PDE5A: variants seen among roughly 807,000 people sequenced by gnomAD.
The protein encoded by PDE5A is phosphodiesterase 5A, also known as cGMP-specific 3',5'-cyclic phosphodiesterase.
PDE5A carries 67 observed loss-of-function variants against 110.2 expected under a neutral mutation model. That is an observed-to-expected ratio of 0.61 (90% CI 0.50 to 0.75). The LOEUF is 0.75. Among genes scored for constraint, PDE5A ranks in the 30% least tolerant of loss-of-function variants. PDE5A has a pLI of 0.00. For missense variants in PDE5A, 862 were observed against 1,045.1 expected, an observed-to-expected ratio of 0.82 and a Z score of 2.42; for synonymous variants, 328 against 351.2, an observed-to-expected ratio of 0.93 and a Z score of 0.74.
At chr4:119,533,965 G>A (rs1362600217) in intron 11 of PDE5A, among the ~76,000 whole-genome samples, 1 of 152,138 alleles carries the variant, frequency 6.6e-6, no homozygotes, top group Non-Finnish European at 1.5e-5. Context: ...CTCAAGAACA[G>A]TGCCCTCATA....
Position 119,553,757 on chromosome 4 carries a change from A to C in PDE5A, c.1200-11T>G. ...TTTGCATCATGTTCCCTGTGAAAAT[A>C]ACAGATATGAGTTCCCTCTGTGCAG... On this transcript the variant is annotated splice_polypyrimidine_tract_variant and intron_variant, in intron 7 of 20. Coordinates refer to ENST00000354960, the MANE Select transcript of PDE5A (RefSeq NM_001083.4). 2 of 1,359,194 alleles carry C rather than the reference A, an allele frequency of 1.5e-6. No individual in the cohort carries two copies. The highest frequency in any genetic ancestry group is 1.1e-6 in the Non-Finnish European group (1 of 948,402). 84.2% of individuals were successfully genotyped at this position (1,359,194 alleles called of 1,614,324 possible).
chr4:119,513,229 T>C (rs1725807691), intron 14 of PDE5A, among the ~76,000 whole-genome samples: 1 of 152,140 alleles, frequency 6.6e-6, no homozygotes, highest in Non-Finnish European at 1.5e-5. Context: ...AGGAATGTTC[T>C]CTGCACTCAT....
At chr4:119,594,132 G>GT (rs75416431) in intron 3 of PDE5A, among the ~76,000 whole-genome samples, 27,076 of 151,896 alleles carry the variant, frequency 0.18, 2,465 homozygotes, top group East Asian at 0.28. Context: ...ATATAGCTGT[G>GT]TTTTTTTAAT....
At chr4:119,579,513 A>G (rs1728508998) in intron 3 of PDE5A, among the ~76,000 whole-genome samples, 1 of 151,980 alleles carries the variant, frequency 6.6e-6, no homozygotes, top group Admixed American at 6.6e-5. Context: ...GCAGCCATAC[A>G]AAATGATGAG....
At chr4:119,558,731 A>T (rs1727628894) in intron 7 of PDE5A, among the ~76,000 whole-genome samples, 1 of 151,992 alleles carries the variant, frequency 6.6e-6, no homozygotes, top group South Asian at 2.1e-4. Flanking sequence ...CCCAGCTAAA[A>T]ACAGTGAAAC....
chr4:119,535,985 AT>A (rs1449395329), intron 11 of PDE5A, among the ~76,000 whole-genome samples: 10 of 152,134 alleles, frequency 6.6e-5, no homozygotes, highest in African/African-American at 2.4e-4. Context: ...AGGCATTTTT[AT>A]TTGGTTGACA....
rs1054788062 is a variant in PDE5A, at chr4:119,520,946, C to T, written c.1894G>A (p.Gly632Ser). ...AQCMFAALKA[G>S]KIQNKLTDLE... ...GCTCTAAAAAGTACCTGAATTTTGC[C>T]TGCTTTTAGAGCAGCAAACATGCAC... The change falls in exon 13 of 21, where the codon GGC becomes AGC. Residue 632 changes from glycine to serine, a missense_variant. By Grantham distance (56) the Gly-to-Ser change is moderately conservative. Coordinates refer to ENST00000354960, the MANE Select transcript of PDE5A (RefSeq NM_001083.4). The T allele has an allele frequency of 6.2e-7, 1 of 1,607,252 alleles. No individual in the cohort carries two copies. The highest frequency in any genetic ancestry group is 1.3e-5 in the African/African-American group (1 of 74,610).
chr4:119,526,320 C>A (rs1047027201), intron 11 of PDE5A, among the ~76,000 whole-genome samples: 5 of 152,154 alleles, frequency 3.3e-5, no homozygotes, highest in Non-Finnish European at 5.9e-5. Context: ...ACCATACTTG[C>A]CTCACACAAG....
chr4:119,516,145 A>C (rs758670628), intron 14 of PDE5A, among the ~76,000 whole-genome samples: 11 of 152,184 alleles, frequency 7.2e-5, no homozygotes, highest in Non-Finnish European at 1.6e-4. Flanking sequence ...ACCAAGTTTA[A>C]GTCTCATTTC....
chr4:119,510,768 G>A (rs1485527899), intron 15 of PDE5A, among the ~76,000 whole-genome samples: 3 of 152,056 alleles, frequency 2.0e-5, no homozygotes, highest in Non-Finnish European at 4.4e-5. Flanking sequence ...AATTAACTGA[G>A]AGCCACAAAA....
intron 9 of PDE5A, among the ~76,000 whole-genome samples, chr4:119,546,807 A>C (rs1727145099): frequency 6.6e-6 from 1 of 152,068 alleles, no homozygotes; most frequent in African/African-American, 2.4e-5. Flanking sequence ...TAGATGACAT[A>C]TATTTCTGGC....
chr4:119,552,370 A>G, intron 9 of PDE5A, 180 bp downstream of exon 9: 1 of 370,382 alleles, frequency 2.7e-6, no homozygotes, highest in East Asian at 4.7e-5. Flanking sequence ...AAAGTGCACC[A>G]TAGTTTATAA....
At chr4:119,574,058 T>C (rs765908999) in intron 3 of PDE5A, among the ~76,000 whole-genome samples, 2 of 152,008 alleles carry the variant, frequency 1.3e-5, no homozygotes, top group Non-Finnish European at 2.9e-5. Context: ...TCAGAAAACT[T>C]ACATAACTAG....
chr4:119,587,783 CA>C (rs1441456601), intron 3 of PDE5A, among the ~76,000 whole-genome samples: 3 of 152,146 alleles, frequency 2.0e-5, no homozygotes, highest in Non-Finnish European at 4.4e-5. Context: ...CTTATTTTTG[CA>C]GTTATATTTT....
Position 119,498,493 on chromosome 4 carries a change from G to A in PDE5A, c.*108C>T. 1 of 1,245,496 alleles carries A rather than the reference G, an allele frequency of 8.0e-7. No individual in the cohort carries two copies. The highest frequency in any genetic ancestry group is 1.1e-6 in the Non-Finnish European group (1 of 890,890). 77.2% of individuals were successfully genotyped at this position (1,245,496 alleles called of 1,614,324 possible). On this transcript the variant is annotated 3_prime_UTR_variant, in exon 21 of 21. Coordinates refer to ENST00000354960, the MANE Select transcript of PDE5A (RefSeq NM_001083.4). ...GTGCAAAAATAAAAATACAGCAGTG[G>A]CAAAGTATATACCAAATACAGACAC...
chr4:119,497,753 C>T lies in PDE5A; in HGVS notation c.*848G>A, dbSNP rs528647173. On this transcript the variant is annotated 3_prime_UTR_variant, in exon 21 of 21. Transcript: ENST00000354960. ...TCACTTTTATTTTGAAAAGGAAGCT[C>T]AGAAGGAAAAAAACTCTTAGAGAGA... is the stretch of plus-strand genomic sequence containing the variant. The T allele has an allele frequency of 2.6e-5, 4 of 152,170 alleles. No individual in the cohort carries two copies. In the South Asian group the frequency reaches 8.3e-4, roughly 32 times the overall value. 9.4% of individuals were successfully genotyped at this position (152,170 alleles called of 1,614,324 possible).
rs199515585 is a variant in PDE5A at position 119,497,608 on chromosome 4, A to G, written c.*993T>C. On this transcript the variant is annotated 3_prime_UTR_variant, in exon 21 of 21. Coordinates refer to ENST00000354960, the MANE Select transcript of PDE5A (RefSeq NM_001083.4). ...TTCATTTTTGACCCTAGTATTGGCA[A>G]TAGCCCTTTGCTATTTATATAATTA... The G allele has an allele frequency of 6.6e-6, 1 of 152,152 alleles. No individual in the cohort carries two copies. The highest frequency in any genetic ancestry group is 2.4e-5 in the African/African-American group (1 of 41,450). 9.4% of individuals were successfully genotyped at this position (152,152 alleles called of 1,614,324 possible).
chr4:119,567,551 TAAATGCTCTTTTACTA>T (rs1220797448), intron 3 of PDE5A, among the ~76,000 whole-genome samples: 2 of 152,184 alleles, frequency 1.3e-5, no homozygotes, highest in African/African-American at 4.8e-5. Flanking sequence ...CCAAAACGGC[TAAATGCTCTTTTACTA>T]AAAATGAAAC....
chr4:119,575,290 A>C (rs1365700906), intron 3 of PDE5A, among the ~76,000 whole-genome samples: 15 of 152,242 alleles, frequency 9.9e-5, no homozygotes, highest in Non-Finnish European at 2.1e-4. Context: ...GAACTTCCCC[A>C]ATCTAGCAAG....
Sources: gnomAD v4.1 joint callset for allele counts (sites outside exome capture counted in the v4.1 genomes callset) on GRCh38, gnomAD v4.1.1 for gene constraint, MANE v1.5 for transcripts, NCBI Gene and HGNC (gene_info 2026-07-23, HGNC 2026-07-21) for gene names.